Variants in GIGYF2 observed in about 807,000 individuals in gnomAD.
GIGYF2 encodes GRB10 interacting GYF protein 2, also known as GRB10-interacting GYF protein 2.
A neutral mutation model predicts 208.1 loss-of-function variants in GIGYF2; 25 were observed. The ratio of observed to expected loss-of-function variants is 0.12; its 90% CI spans 0.09 to 0.17. The LOEUF (loss-of-function observed/expected upper bound fraction) is 0.17. Ranked by LOEUF, GIGYF2 falls within the 10% of genes least tolerant of loss-of-function variation. The pLI, the probability that GIGYF2 is intolerant of heterozygous loss-of-function variation, is 1.00. For missense variants in GIGYF2, 1,302 were observed against 1,579.4 expected, an observed-to-expected ratio of 0.82 and a Z score of 2.98; for synonymous variants, 534 against 543.8, an observed-to-expected ratio of 0.98 and a Z score of 0.25.
intron 2 of GIGYF2, among the ~76,000 whole-genome samples, chr2:232,729,076 T>G (rs1230548642): frequency 3.9e-5 from 6 of 152,128 alleles, no homozygotes; most frequent in African/African-American, 1.4e-4. Flanking sequence ...CCTCCTGGGC[T>G]CAAGCAGTCC....
In GIGYF2 at chr2:232,806,541, A is replaced by T; in HGVS notation, c.1690A>T (p.Thr564Ser). ...MAEWFQAGYF[T>S]MSLLVKRACD... Reference sequence around the variant, plus strand: ...AGAATGGTTTCAGGCGGGCTATTTTACTATGTCTTTATTGGTGAAGAGAGC... The same window carrying T: ...AGAATGGTTTCAGGCGGGCTATTTTTCTATGTCTTTATTGGTGAAGAGAGC... The change falls in exon 15 of 29, where the codon ACT becomes TCT. Residue 564 changes from threonine to serine, a missense_variant. Physicochemically the swap from Thr to Ser is moderately conservative, Grantham distance 58 (BLOSUM62 1). Around this residue, in one of 8 missense-constraint regions of GIGYF2, gnomAD observed 69 missense variants for 132.8 expected, o/e 0.52. Transcript: ENST00000373563. The surrounding 1 kb of genome is among the most constrained non-coding windows in gnomAD (Gnocchi z 4.0). 6.2e-7 allele frequency: 1 copy of T among 1,610,578 alleles called. No individual in the cohort carries two copies. Among genetic ancestry groups the T allele is most frequent in the Non-Finnish European group, 8.5e-7 (1 of 1,176,742 alleles).
At chr2:232,839,292 A>T (rs1701743768) in intron 22 of GIGYF2, among the ~76,000 whole-genome samples, 1 of 152,208 alleles carries the variant, frequency 6.6e-6, no homozygotes, top group Non-Finnish European at 1.5e-5. Context: ...AAAATTATTG[A>T]TTAAAAGCAG....
chr2:232,737,197 C>T (rs1287666541), intron 3 of GIGYF2, among the ~76,000 whole-genome samples: 1 of 152,178 alleles, frequency 6.6e-6, no homozygotes, highest in African/African-American at 2.4e-5. Flanking sequence ...ACCATGAGTT[C>T]TCAAGGTCAT....
At chr2:232,703,723 A>C (rs1470936005) in intron 2 of GIGYF2, among the ~76,000 whole-genome samples, 1 of 152,166 alleles carries the variant, frequency 6.6e-6, no homozygotes, top group Non-Finnish European at 1.5e-5. Context: ...TTTTGTTGGC[A>C]AGAAACAAGG....
At chr2:232,814,565 A>ACAC (rs545261660) in intron 18 of GIGYF2, among the ~76,000 whole-genome samples, 1 of 75,946 alleles carries the variant, frequency 1.3e-5, no homozygotes, top group African/African-American at 4.7e-5. Flanking sequence ...TCCACCTCAA[A>ACAC]CCCCCCCCCC....
Position 232,857,014 on chromosome 2 carries a change from C to T in GIGYF2, c.*154C>T, listed in dbSNP as rs1690604154. The T allele has an allele frequency of 2.8e-6, 2 of 704,268 alleles. No individual in the cohort carries two copies. The highest frequency in any genetic ancestry group is 2.6e-6 in the Non-Finnish European group (1 of 385,332). 43.6% of individuals were successfully genotyped at this position (704,268 alleles called of 1,614,324 possible). A position where few individuals can be genotyped will look rare whatever the true frequency, so the allele number is the denominator to read the frequency against. ...GCTTTTTCTTCTGGCCCTTTGTGTC[C>T]AAGATTCTTTAATCCATTTTTGTTG... is the stretch of plus-strand genomic sequence containing the variant. On this transcript the variant is annotated 3_prime_UTR_variant, in exon 29 of 29. Coordinates refer to ENST00000373563, the MANE Select transcript of GIGYF2 (RefSeq NM_001103146.3).
intron 2 of GIGYF2, among the ~76,000 whole-genome samples, chr2:232,730,879 C>G (rs1697454080): frequency 2.0e-5 from 2 of 102,478 alleles, no homozygotes; most frequent in South Asian, 6.6e-4. Context: ...GCCTGGGCGA[C>G]AGAGCGAGAC....
intron 1 of GIGYF2, among the ~76,000 whole-genome samples, chr2:232,697,980 GCAGCCAC>G (rs1695679331): frequency 6.6e-6 from 1 of 152,220 alleles, no homozygotes; most frequent in Non-Finnish European, 1.5e-5. Context: ...GAGGCGAGGT[GCAGCCAC>G]CATGATCGGA....
chr2:232,832,827 T>G, intron 21 of GIGYF2, 30 bp from the exon 22 acceptor site: 2 of 1,489,742 alleles, frequency 1.3e-6, no homozygotes, highest in Non-Finnish European at 1.8e-6. Flanking sequence ...TAATAAAATT[T>G]TTATATCTTT....
At chr2:232,719,610 TA>T (rs1281390924) in intron 2 of GIGYF2, among the ~76,000 whole-genome samples, 1 of 151,894 alleles carries the variant, frequency 6.6e-6, no homozygotes, top group Non-Finnish European at 1.5e-5. Context: ...GATGAATAGT[TA>T]AAATAAAGAG....
chr2:232,699,527 T>G (rs1328557599), intron 1 of GIGYF2, among the ~76,000 whole-genome samples: 1 of 152,200 alleles, frequency 6.6e-6, no homozygotes, highest in Non-Finnish European at 1.5e-5. Flanking sequence ...TGGAAAAATT[T>G]AGGATGCTCA....
At chr2:232,779,252 G>A (rs1269939818) in intron 8 of GIGYF2, among the ~76,000 whole-genome samples, 1 of 152,130 alleles carries the variant, frequency 6.6e-6, no homozygotes, top group East Asian at 1.9e-4. Context: ...GTAAATACCT[G>A]TTCATAGATT....
At chr2:232,723,850 A>G (rs1697059625) in intron 2 of GIGYF2, among the ~76,000 whole-genome samples, 1 of 148,864 alleles carries the variant, frequency 6.7e-6, no homozygotes, top group South Asian at 2.1e-4. Context: ...CTCCTGCCTC[A>G]GCCTCCTGAG....
At chr2:232,777,714 G>C (rs1016311315) in intron 8 of GIGYF2, among the ~76,000 whole-genome samples, 7 of 144,296 alleles carry the variant, frequency 4.9e-5, no homozygotes, top group African/African-American at 1.8e-4. Flanking sequence ...TAGAAACACT[G>C]ACCTTCAGAA....
chr2:232,748,887 A>G lies in GIGYF2; in HGVS notation c.172-100A>G, dbSNP rs976690971. The G allele has an allele frequency of 5.3e-6, 4 of 757,136 alleles. No individual in the cohort carries two copies. The East Asian group carries it at 7.5e-5, about 14-fold the overall frequency. The allele number at this position is 757,136 out of a possible 1,614,324, so 46.9% of individuals were successfully genotyped here. On this transcript the variant is annotated intron_variant, in intron 4 of 28. Transcript: ENST00000373563. ...CATTAATCTGTATTTATAATAATCAACAATAAATAGAAGAGTATTCTTTCT... is the reference window on the plus strand; with the variant it reads ...CATTAATCTGTATTTATAATAATCAGCAATAAATAGAAGAGTATTCTTTCT...
chr2:232,789,441 T>A (rs942991751), intron 9 of GIGYF2, among the ~76,000 whole-genome samples: 7 of 152,236 alleles, frequency 4.6e-5, no homozygotes, highest in Non-Finnish European at 1.0e-4. Flanking sequence ...TCATGAAGAC[T>A]CTTTTCACAT....
intron 8 of GIGYF2, among the ~76,000 whole-genome samples, chr2:232,783,982 C>T (rs975580555): frequency 6.6e-6 from 1 of 152,192 alleles, no homozygotes; most frequent in Non-Finnish European, 1.5e-5. Context: ...GCCACCACGC[C>T]CAGCCTCAGA....
chr2:232,765,173 T>A (rs1259271375), intron 8 of GIGYF2: 1 of 152,226 alleles, frequency 6.6e-6, no homozygotes, highest in Non-Finnish European at 1.5e-5. Flanking sequence ...TTCTGAGCTT[T>A]TACTTTTTGG....
At chr2:232,827,091 A>G (rs1468896085) in intron 21 of GIGYF2, among the ~76,000 whole-genome samples, 1 of 152,178 alleles carries the variant, frequency 6.6e-6, no homozygotes, top group Non-Finnish European at 1.5e-5. Context: ...CAAAGCCTCA[A>G]AGGACAGGCT....
Sources: gnomAD v4.1 joint callset for allele counts (sites outside exome capture counted in the v4.1 genomes callset) on GRCh38, gnomAD v4.1.1 for gene constraint, gnomAD v4.1.1 regional missense constraint, Gnocchi (gnomAD v3.1) non-coding constraint, MANE v1.5 for transcripts, NCBI Gene and HGNC (gene_info 2026-07-23, HGNC 2026-07-21) for gene names.